The following TAOK1 variants were observed in gnomAD, a reference collection of about 807,000 sequenced individuals.
TAOK1 encodes the protein serine/threonine-protein kinase TAO1.
Under a neutral mutation model 138.3 loss-of-function variants are expected in TAOK1, and 21 were observed. The observed-to-expected ratio is 0.15, with a 90% CI of 0.11 to 0.22. TAOK1 has a LOEUF of 0.22. Among genes scored for constraint, TAOK1 ranks in the 10% least tolerant of loss-of-function variants. The probability of loss-of-function intolerance (pLI) is 1.00; values close to 1 mark genes in which losing one functional copy is unlikely to be tolerated. For missense variants in TAOK1, 651 were observed against 1,227.7 expected, an observed-to-expected ratio of 0.53 and a Z score of 7.02; for synonymous variants, 361 against 398.4, an observed-to-expected ratio of 0.91 and a Z score of 1.12.
intron 2 of TAOK1, among the ~76,000 whole-genome samples, chr17:29,460,367 T>G (rs537356491): frequency 1.3e-5 from 2 of 152,170 alleles, no homozygotes; most frequent in Non-Finnish European, 2.9e-5. Flanking sequence ...AATTTTTGTA[T>G]TTTTAGTAGA....
chr17:29,441,741 A>G (rs1011611342), intron 1 of TAOK1, among the ~76,000 whole-genome samples: 1 of 152,074 alleles, frequency 6.6e-6, no homozygotes, highest in Non-Finnish European at 1.5e-5. Context: ...TCTACTAAAA[A>G]TACAAATACT....
chr17:29,546,191 A>G lies in TAOK1; in HGVS notation c.*3169A>G, dbSNP rs1356261424. Reference sequence around the variant, plus strand: ...TCTTATTCGCCATTTCAATACCTAGAGATAGAGAGTCTTGTATTTGAAGCC... The same window carrying G: ...TCTTATTCGCCATTTCAATACCTAGGGATAGAGAGTCTTGTATTTGAAGCC... On this transcript the variant is annotated 3_prime_UTR_variant, in exon 20 of 20. Transcript: ENST00000261716. 4 of 152,072 alleles carry G rather than the reference A, an allele frequency of 2.6e-5. No individual in the cohort carries two copies. The highest frequency in any genetic ancestry group is 9.7e-5 in the African/African-American group (4 of 41,426). The allele number at this position is 152,072 out of a possible 1,614,324, so 9.4% of individuals were successfully genotyped here. A position where few individuals can be genotyped will look rare whatever the true frequency, so the allele number is the denominator to read the frequency against.
chr17:29,419,042 G>C (rs1405360561), intron 1 of TAOK1, among the ~76,000 whole-genome samples: 2 of 150,674 alleles, frequency 1.3e-5, no homozygotes, highest in Non-Finnish European at 2.9e-5. Context: ...TGGGACCATT[G>C]ATATCCTGAC....
At chr17:29,431,143 A>C (rs1226411361) in intron 1 of TAOK1, among the ~76,000 whole-genome samples, 1 of 152,162 alleles carries the variant, frequency 6.6e-6, no homozygotes, top group African/African-American at 2.4e-5. Flanking sequence ...GCATGAGCTT[A>C]GTCCAAAACA....
At chr17:29,500,786 C>T (rs2031509767) in intron 12 of TAOK1, among the ~76,000 whole-genome samples, 1 of 151,570 alleles carries the variant, frequency 6.6e-6, no homozygotes, top group Non-Finnish European at 1.5e-5. Flanking sequence ...GAATATTACT[C>T]AGCTATAAAA....
chr17:29,460,549 A>G (rs1225188870), intron 2 of TAOK1, among the ~76,000 whole-genome samples: 1 of 152,218 alleles, frequency 6.6e-6, no homozygotes, highest in Admixed American at 6.5e-5. Flanking sequence ...TCAAGGGTAT[A>G]GTGGGAACTA....
chr17:29,495,972 A>G (rs2031404726), intron 11 of TAOK1, among the ~76,000 whole-genome samples: 1 of 152,048 alleles, frequency 6.6e-6, no homozygotes, highest in South Asian at 2.1e-4. Context: ...TCTAAATCCA[A>G]CCCCTTTATG....
At chr17:29,500,005 C>T (rs1450290095) in intron 12 of TAOK1, among the ~76,000 whole-genome samples, 1 of 152,092 alleles carries the variant, frequency 6.6e-6, no homozygotes, top group Non-Finnish European at 1.5e-5. Flanking sequence ...TCAGGTAACT[C>T]CTTTTAACAA....
intron 1 of TAOK1, among the ~76,000 whole-genome samples, chr17:29,395,762 C>T (rs986594384): frequency 6.7e-6 from 1 of 149,562 alleles, no homozygotes; most frequent in African/African-American, 2.5e-5. Context: ...GGTTCAAGTG[C>T]TCTTCCCACA....
chr17:29,405,049 G>A (rs1250252657), intron 1 of TAOK1, among the ~76,000 whole-genome samples: 1 of 151,972 alleles, frequency 6.6e-6, no homozygotes, highest in Non-Finnish European at 1.5e-5. Flanking sequence ...GCATGATCTC[G>A]GCTCACCGCA....
chr17:29,474,168 C>G (rs1444142425), intron 3 of TAOK1, among the ~76,000 whole-genome samples: 2 of 152,188 alleles, frequency 1.3e-5, no homozygotes, highest in Non-Finnish European at 2.9e-5. Flanking sequence ...GAGTTAGGGC[C>G]ATCCTCTAGA....
chr17:29,416,272 A>G (rs547453610), intron 1 of TAOK1, among the ~76,000 whole-genome samples: 118 of 152,262 alleles, frequency 7.7e-4, no homozygotes, highest in Non-Finnish European at 1.3e-3. Context: ...TCAAAAAATA[A>G]AAAAGATTAT....
chr17:29,504,905 A>C (rs1305573098), intron 13 of TAOK1, among the ~76,000 whole-genome samples: 1 of 152,162 alleles, frequency 6.6e-6, no homozygotes, highest in African/African-American at 2.4e-5. Context: ...AGATTGCTTA[A>C]TTTTTGCATG....
Position 29,508,097 on chromosome 17 carries a change from C to G in TAOK1, c.1540C>G (p.Leu514Val). The G allele has an allele frequency of 1.9e-6, 3 of 1,614,074 alleles. No individual in the cohort carries two copies. Among genetic ancestry groups the G allele is most frequent in the Non-Finnish European group, 2.5e-6 (3 of 1,179,946 alleles). Residue 514 changes from leucine to valine, a missense_variant, in exon 14 of 20, where the codon CTT (leucine) becomes GTT (valine). By Grantham distance (32) the Leu-to-Val change is conservative. Around this residue, in one of 8 missense-constraint regions of TAOK1, gnomAD observed 258 missense variants for 548.9 expected, o/e 0.47. Transcript: ENST00000261716. ...RNNFAAEMEKLIKKHQAAMEK... is the reference protein window; with the variant it reads ...RNNFAAEMEKVIKKHQAAMEK... Reference sequence around the variant, plus strand: ...CAATTTTGCTGCAGAAATGGAGAAACTTATCAAGAAACACCAGGCTGCCAT... The same window carrying G: ...CAATTTTGCTGCAGAAATGGAGAAAGTTATCAAGAAACACCAGGCTGCCAT...
intron 11 of TAOK1, among the ~76,000 whole-genome samples, chr17:29,496,306 C>T (rs4795513): frequency 0.17 from 25,973 of 151,886 alleles, 2,288 homozygotes; most frequent in Admixed American, 0.22. Flanking sequence ...TTAGTAGAGA[C>T]GGGGTTTCAC....
In TAOK1 at chr17:29,502,634, T is replaced by C. The variant is rs539010775; in HGVS notation, c.1249T>C (p.Ser417Pro). ...REEGDPRTRA[S>P]DPQSPPQVSR... The stretch of plus-strand genomic sequence containing the variant: ...AGAGGGAGATCCTAGAACAAGAGCA[T>C]CAGATCCACAATCTCCACCCCAAGT... The change falls in exon 13 of 20, where the codon TCA becomes CCA. Residue 417 changes from serine to proline, a missense_variant. By Grantham distance (74) the Ser-to-Pro change is moderately conservative (BLOSUM62 -1). Coordinates refer to ENST00000261716, the MANE Select transcript of TAOK1 (RefSeq NM_020791.4). The C allele has an allele frequency of 6.8e-6, 11 of 1,613,668 alleles. No homozygotes were observed. In the African/African-American group the frequency reaches 1.3e-4, roughly 20 times the overall value.
At chr17:29,460,285 G>T (rs139250248) in intron 2 of TAOK1, among the ~76,000 whole-genome samples, 1 of 152,076 alleles carries the variant, frequency 6.6e-6, no homozygotes, top group Non-Finnish European at 1.5e-5. Flanking sequence ...TTCACCTCCC[G>T]GGTTCATGCA....
At chr17:29,417,069 A>G (rs897918954) in intron 1 of TAOK1, among the ~76,000 whole-genome samples, 9 of 152,020 alleles carry the variant, frequency 5.9e-5, no homozygotes, top group Non-Finnish European at 1.5e-5. Flanking sequence ...GCGGGAGTGC[A>G]GTGGCACTTT....
chr17:29,406,087 G>A (rs772068764), intron 1 of TAOK1, among the ~76,000 whole-genome samples: 1 of 152,118 alleles, frequency 6.6e-6, no homozygotes, highest in Non-Finnish European at 1.5e-5. Context: ...CCCAACCGTG[G>A]TAGTATTGAC....
Sources: gnomAD v4.1 joint callset for allele counts (sites outside exome capture counted in the v4.1 genomes callset) on GRCh38, gnomAD v4.1.1 for gene constraint, gnomAD v4.1.1 regional missense constraint, MANE v1.5 for transcripts, NCBI Gene and HGNC (gene_info 2026-07-23, HGNC 2026-07-21) for gene names.